The following DACH2 variants were observed in gnomAD, a reference collection of about 807,000 sequenced individuals.
The protein encoded by DACH2 is dachshund homolog 2.
In DACH2, 17 loss-of-function variants were observed where a neutral mutation model predicts 35.8. The observed-to-expected ratio is 0.48, with a 90% CI of 0.33 to 0.71. The LOEUF (loss-of-function observed/expected upper bound fraction) is 0.71. DACH2 is among the 30% of genes least tolerant of loss of function. DACH2 has a pLI of 0.02. For synonymous variants in DACH2, 195 were observed against 177.3 expected (o/e 1.10, Z -0.79); for missense variants, 469 against 472.7 (o/e 0.99, Z 0.07).
chrX:86,666,968 G>T (rs998081093), intron 4 of DACH2, among the ~76,000 whole-genome samples: 1 of 108,336 alleles, frequency 9.2e-6, no homozygotes, highest in African/African-American at 3.4e-5. Context: ...GCCCTGGGCC[G>T]GGCATGGTGG....
rs1237453503 is a variant in DACH2, at chrX:86,832,506, G to T, written c.*351G>T. 1.8e-5 allele frequency: 3 copies of T among 162,285 alleles called. No individual in the cohort carries two copies. The highest frequency in any genetic ancestry group is 3.4e-5 in the Non-Finnish European group (3 of 88,012). 13.4% of individuals were successfully genotyped at this position (162,285 alleles called of 1,213,427 possible). A position where few individuals can be genotyped will look rare whatever the true frequency, so the allele number is the denominator to read the frequency against. ...TTAGAGACTAGAAAGTTATATGTAT[G>T]GTTTCCCTGTTCTACTATACATAAC... is the stretch of plus-strand genomic sequence containing the variant. On this transcript the variant is annotated 3_prime_UTR_variant, in exon 12 of 12. Transcript: ENST00000373125.
chrX:86,172,931 T>C (rs1255082904), intron 1 of DACH2, among the ~76,000 whole-genome samples: 2 of 111,812 alleles, frequency 1.8e-5, no homozygotes, highest in Non-Finnish European at 3.8e-5. Context: ...AAAAACTTAA[T>C]AGTTTGAAAG....
At chrX:86,824,552 T>C (rs142660293) in intron 11 of DACH2, among the ~76,000 whole-genome samples, 14,718 of 111,420 alleles carry the variant, frequency 0.13, 883 homozygotes, top group South Asian at 0.4. Context: ...GATTAAGAGA[T>C]TAAAGTAAGA....
chrX:86,207,134 A>G (rs920796783), intron 1 of DACH2, among the ~76,000 whole-genome samples: 2 of 111,347 alleles, frequency 1.8e-5, no homozygotes, highest in Admixed American at 1.9e-4. Flanking sequence ...GAATCCCATG[A>G]ACAAAGATGT....
chrX:86,643,342 A>C (rs970974947), intron 3 of DACH2, among the ~76,000 whole-genome samples: 7 of 110,892 alleles, frequency 6.3e-5, no homozygotes, highest in African/African-American at 2.3e-4. Flanking sequence ...ACATTTCTAC[A>C]CACACAAACT....
chrX:86,208,201 TA>T (rs776214772), intron 1 of DACH2, among the ~76,000 whole-genome samples: 157 of 105,944 alleles, frequency 1.5e-3, no homozygotes, highest in African/African-American at 4.7e-3. Flanking sequence ...CAAATAATAA[TA>T]ATTTTTTTTT....
intron 1 of DACH2, among the ~76,000 whole-genome samples, chrX:86,328,113 T>G (rs1181202380): frequency 9.0e-6 from 1 of 111,428 alleles, no homozygotes; most frequent in Non-Finnish European, 1.9e-5. Flanking sequence ...TACTAAAACA[T>G]GAAAATAATT....
intron 3 of DACH2, among the ~76,000 whole-genome samples, chrX:86,592,909 A>G (rs1052561790): frequency 6.2e-5 from 7 of 112,060 alleles, no homozygotes; most frequent in South Asian, 7.4e-4. Flanking sequence ...TAGTTCAAAG[A>G]GTTATTTTAT....
At chrX:86,328,331 T>C (rs1158716763) in intron 1 of DACH2, among the ~76,000 whole-genome samples, 1 of 111,573 alleles carries the variant, frequency 9.0e-6, no homozygotes, top group Admixed American at 9.6e-5. Flanking sequence ...GTAATAGAAG[T>C]ATCTCATTGG....
At chrX:86,487,538 T>C (rs2038035404) in intron 2 of DACH2, among the ~76,000 whole-genome samples, 1 of 111,538 alleles carries the variant, frequency 9.0e-6, no homozygotes, top group South Asian at 3.7e-4. Flanking sequence ...TCTTAGTGGA[T>C]AGAGCTTCTT....
intron 2 of DACH2, among the ~76,000 whole-genome samples, chrX:86,396,377 A>C (rs2036292529): frequency 1.1e-5 from 1 of 93,848 alleles, no homozygotes; most frequent in African/African-American, 4.0e-5. Flanking sequence ...TGCTGTGCAG[A>C]AGCTCTTTAG....
At chrX:86,548,585 C>A (rs2039006412) in intron 3 of DACH2, among the ~76,000 whole-genome samples, 1 of 111,752 alleles carries the variant, frequency 8.9e-6, no homozygotes, top group South Asian at 3.7e-4. Flanking sequence ...TCATTGTTAT[C>A]ATTGTCATTA....
At chrX:86,483,360 A>G (rs2037972236) in intron 2 of DACH2, among the ~76,000 whole-genome samples, 1 of 110,991 alleles carries the variant, frequency 9.0e-6, no homozygotes, top group Non-Finnish European at 1.9e-5. Flanking sequence ...TATCATTCGA[A>G]TTGCCTCTTT....
chrX:86,148,488 G>C lies in DACH2; in HGVS notation c.-133G>C. On this transcript the variant is annotated 5_prime_UTR_variant, in exon 1 of 12. Coordinates refer to ENST00000373125, the MANE Select transcript of DACH2 (RefSeq NM_053281.3). ...GCTTGAGCGTGAGCCGGCTGCTGAAGACTTGCGAACAGTTCGGAGCCAGCG... is the reference window on the plus strand; with the variant it reads ...GCTTGAGCGTGAGCCGGCTGCTGAACACTTGCGAACAGTTCGGAGCCAGCG... 1 of 748,810 alleles carries C rather than the reference G, an allele frequency of 1.3e-6. No individual in the cohort carries two copies. Among genetic ancestry groups the C allele is most frequent in the East Asian group, 3.6e-5 (1 of 28,104 alleles). The allele number at this position is 748,810 out of a possible 1,213,427, so 61.7% of individuals were successfully genotyped here. A position where few individuals can be genotyped will look rare whatever the true frequency, so the allele number is the denominator to read the frequency against.
chrX:86,374,555 G>A (rs1194264671), intron 1 of DACH2, among the ~76,000 whole-genome samples: 1 of 110,969 alleles, frequency 9.0e-6, no homozygotes, highest in East Asian at 2.8e-4. Context: ...TCTGTTGGTG[G>A]TAGTTGTATA....
chrX:86,716,123 T>C (rs1247559706), intron 6 of DACH2, among the ~76,000 whole-genome samples: 3 of 111,510 alleles, frequency 2.7e-5, no homozygotes, highest in Non-Finnish European at 5.6e-5. Context: ...ACTTCACCGC[T>C]ACACAAATTC....
intron 2 of DACH2, among the ~76,000 whole-genome samples, chrX:86,395,835 T>C (rs867577679): frequency 2.7e-5 from 3 of 111,769 alleles, no homozygotes; most frequent in African/African-American, 9.8e-5. Flanking sequence ...GTGAATAGTG[T>C]GGCAATAAAC....
At chrX:86,801,984 A>G (rs978181162) in intron 7 of DACH2, among the ~76,000 whole-genome samples, 13 of 112,204 alleles carry the variant, frequency 1.2e-4, no homozygotes, top group Non-Finnish European at 2.4e-4. Flanking sequence ...TGGTTGATAT[A>G]TGTCTTTAAT....
intron 1 of DACH2, among the ~76,000 whole-genome samples, chrX:86,217,401 A>G (rs2032602037): frequency 8.9e-6 from 1 of 111,899 alleles, no homozygotes; most frequent in Non-Finnish European, 1.9e-5. Flanking sequence ...TATTCATTAA[A>G]TAAAACAATG....
Sources: allele counts gnomAD v4.1 joint callset (sites outside exome capture counted in the v4.1 genomes callset), GRCh38; gene constraint gnomAD v4.1.1; transcripts MANE v1.5; gene names NCBI Gene and HGNC (gene_info 2026-07-23, HGNC 2026-07-21).